HS6ST3: variants seen among roughly 807,000 people sequenced by gnomAD.
HS6ST3 encodes heparan sulfate 6-O-sulfotransferase 3, also known as heparan-sulfate 6-O-sulfotransferase 3.
Under a neutral mutation model 36.7 loss-of-function variants are expected in HS6ST3, and 12 were observed. That is an observed-to-expected ratio of 0.33 (90% CI 0.21 to 0.53). The LOEUF (loss-of-function observed/expected upper bound fraction) is 0.53, where lower values mean the gene tolerates loss of function less well. Among genes scored for constraint, HS6ST3 ranks in the 20% least tolerant of loss-of-function variants. The pLI is 0.95. For missense variants in HS6ST3, 584 were observed against 640.9 expected, an observed-to-expected ratio of 0.91 and a Z score of 0.96; for synonymous variants, 240 against 257.5, an observed-to-expected ratio of 0.93 and a Z score of 0.65.
At chr13:96,163,451 G>A (rs1251449755) in intron 1 of HS6ST3, among the ~76,000 whole-genome samples, 3 of 151,786 alleles carry the variant, frequency 2.0e-5, no homozygotes, top group African/African-American at 4.8e-5. Context: ...GCATGGTCTC[G>A]ATCTCCTGAC....
intron 1 of HS6ST3, among the ~76,000 whole-genome samples, chr13:96,417,552 AGAGGGCC>A (rs1249841339): frequency 6.6e-6 from 1 of 151,496 alleles, no homozygotes; most frequent in Non-Finnish European, 1.5e-5. Context: ...CATTATCTAT[AGAGGGCC>A]CAGCATGGTG....
At chr13:96,163,482 A>G (rs569230261) in intron 1 of HS6ST3, among the ~76,000 whole-genome samples, 40 of 151,156 alleles carry the variant, frequency 2.6e-4, no homozygotes, top group Admixed American at 5.9e-4. Context: ...GCCCGCCTTG[A>G]CCTCCCAAAG....
chr13:96,288,749 A>G (rs776371952), intron 1 of HS6ST3, among the ~76,000 whole-genome samples: 11 of 152,144 alleles, frequency 7.2e-5, no homozygotes, highest in Admixed American at 1.3e-4. Flanking sequence ...TGAAATCTGG[A>G]TAGAGAAAAA....
intron 1 of HS6ST3, among the ~76,000 whole-genome samples, chr13:96,320,058 G>T (rs2139414417): frequency 6.6e-6 from 1 of 152,208 alleles, no homozygotes; most frequent in African/African-American, 2.4e-5. Flanking sequence ...TCTGCATGCT[G>T]GTGGAAAAGG....
intron 1 of HS6ST3, among the ~76,000 whole-genome samples, chr13:96,250,464 G>C (rs2054602844): frequency 6.6e-6 from 1 of 152,212 alleles, no homozygotes; most frequent in Non-Finnish European, 1.5e-5. Context: ...AGAAGACTTG[G>C]AGGAGAAGGC....
Position 96,549,191 on chromosome 13 carries a change from C to T in HS6ST3, c.708-283299C>T, listed in dbSNP as rs141888687. 2.2e-4 allele frequency among the ~76,000 whole-genome samples: 33 copies of T among 152,226 alleles called. 1 individual carries two copies. The highest frequency in any genetic ancestry group is 3.5e-4 in the Non-Finnish European group (24 of 68,004). On this transcript the variant is annotated intron_variant, in intron 1 of 1. Transcript: ENST00000376705. ...ACTCCTCCAGTTCTCCAAGACTGACCAGACCTCCCTTTTTTTTTTGGTTTT... is the reference window on the plus strand; with the variant it reads ...ACTCCTCCAGTTCTCCAAGACTGACTAGACCTCCCTTTTTTTTTTGGTTTT...
chr13:96,377,709 G>C lies in HS6ST3; in HGVS notation c.707+286140G>C, dbSNP rs144212065. ...ATCTCTGTTGTTTCCATTTGACGTG[G>C]CCCTTGAGGCAAAACAATGTAAGCA... On this transcript the variant is annotated intron_variant, in intron 1 of 1. Transcript: ENST00000376705. 7.7e-4 allele frequency among the ~76,000 whole-genome samples: 118 copies of C among 152,262 alleles called. 3 individuals are homozygous for C. Among genetic ancestry groups the C allele is most frequent in the African/African-American group, 2.8e-3 (115 of 41,554 alleles).
intron 1 of HS6ST3, among the ~76,000 whole-genome samples, chr13:96,662,635 C>T (rs2056650378): frequency 6.6e-6 from 1 of 151,918 alleles, no homozygotes; most frequent in Non-Finnish European, 1.5e-5. Context: ...ATTCTCATTT[C>T]AGTTAGGATC....
At position 96,679,612 on chromosome 13, in the gene HS6ST3, C is replaced by A. The variant is rs116204229; in HGVS notation, c.708-152878C>A. ...CCAAAGACAGTTTATCCTTAGCAAG[C>A]CCCTGCAGCTGCTTTCTGGTCTTTT... On this transcript the variant is annotated intron_variant, in intron 1 of 1. Transcript: ENST00000376705. 5.6e-3 allele frequency among the ~76,000 whole-genome samples: 858 copies of A among 152,218 alleles called. 5 individuals are homozygous for A. Among genetic ancestry groups the A allele is most frequent in the African/African-American group, 0.02 (811 of 41,534 alleles).
At chr13:96,592,124 A>G (rs1594813873) in intron 1 of HS6ST3, among the ~76,000 whole-genome samples, 1 of 152,054 alleles carries the variant, frequency 6.6e-6, no homozygotes, top group African/African-American at 2.4e-5. Flanking sequence ...AATTTTTTGC[A>G]TCCATATTCA....
chr13:96,269,963 C>T (rs1249337048), intron 1 of HS6ST3, among the ~76,000 whole-genome samples: 1 of 151,950 alleles, frequency 6.6e-6, no homozygotes, highest in Admixed American at 6.6e-5. Context: ...TGTATACAAT[C>T]CCTTCCTTCC....
intron 1 of HS6ST3, among the ~76,000 whole-genome samples, chr13:96,746,305 A>T (rs1231952764): frequency 2.6e-5 from 4 of 152,092 alleles, no homozygotes; most frequent in Non-Finnish European, 5.9e-5. Flanking sequence ...GATATATGGG[A>T]GAATTGGATT....
chr13:96,719,154 G>T (rs1875781432), intron 1 of HS6ST3, among the ~76,000 whole-genome samples: 1 of 151,942 alleles, frequency 6.6e-6, no homozygotes, highest in African/African-American at 2.4e-5. Context: ...GGCGCCTGTA[G>T]TCCCAGCTAG....
intron 1 of HS6ST3, among the ~76,000 whole-genome samples, chr13:96,549,346 AG>A: frequency 6.6e-6 from 1 of 152,198 alleles, no homozygotes. Flanking sequence ...TTTTTCAAAT[AG>A]ATAGTTTATC....
chr13:96,582,831 C>T (rs775322859), intron 1 of HS6ST3, among the ~76,000 whole-genome samples: 4 of 152,000 alleles, frequency 2.6e-5, no homozygotes, highest in Non-Finnish European at 5.9e-5. Flanking sequence ...CATAGTGTTG[C>T]CAGATTTTGT....
chr13:96,137,414 C>A (rs115103749), intron 1 of HS6ST3, among the ~76,000 whole-genome samples: 3,033 of 148,900 alleles, frequency 0.02, 90 homozygotes, highest in African/African-American at 0.069. Context: ...GTTTCTTGCT[C>A]CCTAGAGGAA....
At chr13:96,269,023 GA>G (rs2054706603) in intron 1 of HS6ST3, among the ~76,000 whole-genome samples, 1 of 151,932 alleles carries the variant, frequency 6.6e-6, no homozygotes, top group Non-Finnish European at 1.5e-5. Context: ...ATTCCTGAAT[GA>G]TTGTGTAACT....
chr13:96,722,511 C>G (rs1026570334), intron 1 of HS6ST3, among the ~76,000 whole-genome samples: 5 of 152,068 alleles, frequency 3.3e-5, no homozygotes, highest in African/African-American at 1.2e-4. Context: ...CTTATATTTT[C>G]TATTTTCAAC....
intron 1 of HS6ST3, among the ~76,000 whole-genome samples, chr13:96,582,002 TAA>T (rs1312166202): frequency 2.6e-5 from 4 of 152,182 alleles, no homozygotes; most frequent in Non-Finnish European, 5.9e-5. Context: ...ACAATCTGTC[TAA>T]AGAGAACATT....
Sources: allele counts gnomAD v4.1 joint callset (sites outside exome capture counted in the v4.1 genomes callset), GRCh38; gene constraint gnomAD v4.1.1; transcripts MANE v1.5; gene names NCBI Gene and HGNC (gene_info 2026-07-23, HGNC 2026-07-21).